Variants in ZNF678 observed in about 807,000 individuals in gnomAD.
ZNF678 encodes the protein zinc finger protein 678.
ZNF678 carries 5 observed loss-of-function variants against 3.0 expected under a neutral mutation model. The observed-to-expected ratio is 1.69, with a 90% CI of 0.88 to 3.56. The LOEUF (loss-of-function observed/expected upper bound fraction) is 3.56, where lower values mean the gene tolerates loss of function less well. ZNF678 is among the 30% of genes most tolerant of loss of function. ZNF678 has a pLI of 0.00. For synonymous variants in ZNF678, 218 were observed against 199.6 expected, an observed-to-expected ratio of 1.09 and a Z score of -0.78; for missense variants, 593 against 605.0, an observed-to-expected ratio of 0.98 and a Z score of 0.21.
chr1:227,662,394 T>A lies in ZNF678; in HGVS notation c.*6566T>A, dbSNP rs1217345938. 6.6e-6 allele frequency: 1 copy of A among 152,224 alleles called. No homozygotes were observed. The highest frequency in any genetic ancestry group is 1.5e-5 in the Non-Finnish European group (1 of 68,052). 9.4% of individuals were successfully genotyped at this position (152,224 alleles called of 1,614,324 possible). On this transcript the variant is annotated 3_prime_UTR_variant, in exon 4 of 4. Coordinates refer to ENST00000343776, the MANE Select transcript of ZNF678 (RefSeq NM_001367909.1). ...GAAGAAAAGAGCCTTGGAGAAGTTT[T>A]ATTTTTTTCTGTTTGGAAAGAATAC... is the stretch of plus-strand genomic sequence containing the variant.
In ZNF678 at chr1:227,654,826, G is replaced by C; in HGVS notation, c.576G>C (p.Trp192Cys). The change falls in exon 4 of 4, where the codon TGG (tryptophan) becomes TGC (cysteine). Residue 192 changes from tryptophan (W) to cysteine (C), a missense_variant. Coordinates refer to ENST00000343776, the MANE Select transcript of ZNF678 (RefSeq NM_001367909.1). The part of the protein sequence containing the change: ...KCDECDKVFN[W>C]WSQLTSHKKI... ...ATGAATGTGACAAAGTTTTTAATTG[G>C]TGGTCACAACTAACTAGCCATAAGA... 1 of 1,606,696 alleles carries C rather than the reference G, an allele frequency of 6.2e-7. No homozygotes were observed. Among genetic ancestry groups the C allele is most frequent in the Non-Finnish European group, 8.5e-7 (1 of 1,178,762 alleles).
chr1:227,674,392 T>C (rs1277708835), intron 5 of ZNF678, among the ~76,000 whole-genome samples: 4 of 151,974 alleles, frequency 2.6e-5, no homozygotes, highest in African/African-American at 9.7e-5. Flanking sequence ...TCCACAAGGA[T>C]AGGAATCAAG....
chr1:227,589,325 G>T (rs1054016865), intron 1 of ZNF678, among the ~76,000 whole-genome samples: 1 of 151,716 alleles, frequency 6.6e-6, no homozygotes, highest in Non-Finnish European at 1.5e-5. Context: ...TTTTGTGTAT[G>T]GTATAAGGAA....
intron 1 of ZNF678, among the ~76,000 whole-genome samples, chr1:227,576,977 A>T (rs1423612210): frequency 6.6e-6 from 1 of 152,138 alleles, no homozygotes. Context: ...CTTCCACCTT[A>T]ATTTTATTAT....
chr1:227,607,941 T>G (rs1355977563), intron 1 of ZNF678, among the ~76,000 whole-genome samples: 1 of 151,346 alleles, frequency 6.6e-6, no homozygotes, highest in African/African-American at 2.4e-5. Context: ...TAGGAAAAAT[T>G]GACACAACAA....
At chr1:227,595,317 A>G (rs1447108474) in intron 1 of ZNF678, among the ~76,000 whole-genome samples, 2 of 150,914 alleles carry the variant, frequency 1.3e-5, no homozygotes, top group African/African-American at 2.4e-5. Context: ...AGTTCTCTCA[A>G]CCACTGTGGA....
chr1:227,591,912 C>T (rs557367871), intron 1 of ZNF678, among the ~76,000 whole-genome samples: 21 of 152,242 alleles, frequency 1.4e-4, no homozygotes, highest in African/African-American at 2.2e-4. Context: ...AAATGAGTCC[C>T]GCGATGAGTT....
chr1:227,566,767 A>G (rs1034044913), intron 1 of ZNF678, among the ~76,000 whole-genome samples: 7 of 152,206 alleles, frequency 4.6e-5, no homozygotes, highest in African/African-American at 1.7e-4. Flanking sequence ...GAATTCTAGG[A>G]AAAAAATATG....
chr1:227,598,724 T>G (rs1657657875), intron 1 of ZNF678: 2 of 525,068 alleles, frequency 3.8e-6, no homozygotes, highest in East Asian at 8.6e-5. Flanking sequence ...ATTCAGATTA[T>G]GACATGGAGC....
intron 5 of ZNF678, among the ~76,000 whole-genome samples, chr1:227,668,630 T>A (rs1330012995): frequency 2.0e-5 from 3 of 152,186 alleles, no homozygotes; most frequent in Non-Finnish European, 4.4e-5. Flanking sequence ...GCCACTGGGG[T>A]CTACAAGTGT....
intron 1 of ZNF678, among the ~76,000 whole-genome samples, chr1:227,621,718 A>G (rs937041675): frequency 6.6e-6 from 1 of 152,218 alleles, no homozygotes; most frequent in African/African-American, 2.4e-5. Context: ...ATGCAATTCT[A>G]AGCCCCCCAA....
downstream of ZNF678, among the ~76,000 whole-genome samples, chr1:227,665,483 C>T (rs554714044): frequency 6.4e-4 from 97 of 152,304 alleles, 1 homozygote; most frequent in Non-Finnish European, 1.1e-3. Flanking sequence ...TGGAGATCAG[C>T]GTCTGGCATA....
At chr1:227,634,936 A>G (rs1312272920) in intron 1 of ZNF678, among the ~76,000 whole-genome samples, 1 of 152,132 alleles carries the variant, frequency 6.6e-6, no homozygotes, top group African/African-American at 2.4e-5. Context: ...TGCTGGCTTC[A>G]TGTCTGATCC....
At chr1:227,579,174 G>T (rs1170054460) in intron 1 of ZNF678, among the ~76,000 whole-genome samples, 1 of 152,114 alleles carries the variant, frequency 6.6e-6, no homozygotes, top group Non-Finnish European at 1.5e-5. Context: ...GGGTGCTGGG[G>T]TGCTTGCCAT....
At chr1:227,620,577 G>C (rs1429168043) in intron 1 of ZNF678, among the ~76,000 whole-genome samples, 3 of 152,198 alleles carry the variant, frequency 2.0e-5, no homozygotes, top group Non-Finnish European at 4.4e-5. Flanking sequence ...GAAGACTGCT[G>C]TGTGAAAGAC....
At chr1:227,633,063 C>A (rs1329754106) in intron 1 of ZNF678, among the ~76,000 whole-genome samples, 1 of 152,122 alleles carries the variant, frequency 6.6e-6, no homozygotes, top group Non-Finnish European at 1.5e-5. Context: ...AAGACTCTAG[C>A]CCAATCAGGA....
At chr1:227,588,474 C>T (rs1457433152) in intron 1 of ZNF678, among the ~76,000 whole-genome samples, 1 of 151,282 alleles carries the variant, frequency 6.6e-6, no homozygotes, top group Non-Finnish European at 1.5e-5. Context: ...TCTTTTTCTC[C>T]ACAACCTCAC....
intron 1 of ZNF678, among the ~76,000 whole-genome samples, chr1:227,566,072 C>G (rs1204483577): frequency 6.6e-6 from 1 of 152,216 alleles, no homozygotes; most frequent in East Asian, 1.9e-4. Flanking sequence ...CTCAGCCACT[C>G]TTATCCTAGT....
intron 1 of ZNF678, among the ~76,000 whole-genome samples, chr1:227,604,853 C>T (rs971015667): frequency 6.6e-6 from 1 of 151,692 alleles, no homozygotes; most frequent in African/African-American, 2.4e-5. Flanking sequence ...TCAGTTAGCA[C>T]TTTTATTTTA....
Sources: gnomAD v4.1 joint callset for allele counts (sites outside exome capture counted in the v4.1 genomes callset) on GRCh38, gnomAD v4.1.1 for gene constraint, MANE v1.5 for transcripts, NCBI Gene and HGNC (gene_info 2026-07-23, HGNC 2026-07-21) for gene names.